TEC: variants seen among roughly 807,000 people sequenced by gnomAD.
TEC encodes tec protein tyrosine kinase.
In TEC, 72 loss-of-function variants were observed where a neutral mutation model predicts 93.0. The observed-to-expected ratio is 0.77, with a 90% CI of 0.64 to 0.94. The LOEUF is 0.94. TEC is among the 40% of genes least tolerant of loss of function. TEC has a pLI of 0.00. For synonymous variants in TEC, 249 were observed against 247.7 expected, an observed-to-expected ratio of 1.01 and a Z score of -0.05; for missense variants, 630 against 757.9, an observed-to-expected ratio of 0.83 and a Z score of 1.98.
intron 2 of TEC, among the ~76,000 whole-genome samples, chr4:48,196,237 C>A (rs946231901): frequency 6.6e-6 from 1 of 152,156 alleles, no homozygotes; most frequent in Non-Finnish European, 1.5e-5. Context: ...CTGGTTTACA[C>A]GTCTTAGATC....
chr4:48,179,355 TA>T (rs1560393084), intron 2 of TEC, among the ~76,000 whole-genome samples: 16 of 34,136 alleles, frequency 4.7e-4, no homozygotes, highest in African/African-American at 6.5e-4. Context: ...TATATATATA[TA>T]TATATATATA....
chr4:48,142,050 T>A (rs1449056267), intron 14 of TEC, among the ~76,000 whole-genome samples: 1 of 152,266 alleles, frequency 6.6e-6, no homozygotes, highest in African/African-American at 2.4e-5. Context: ...TTACTGACAA[T>A]GAGAACATCT....
At chr4:48,262,260 G>A (rs557886013) in intron 1 of TEC, among the ~76,000 whole-genome samples, 8 of 138,184 alleles carry the variant, frequency 5.8e-5, no homozygotes, top group Admixed American at 1.7e-4. Context: ...GCAGTGGTGC[G>A]ATCTCAGCTA....
At chr4:48,253,570 T>C (rs1398481440) in intron 1 of TEC, among the ~76,000 whole-genome samples, 1 of 105,428 alleles carries the variant, frequency 9.5e-6, no homozygotes, top group Non-Finnish European at 2.0e-5. Flanking sequence ...TCATGTCCAA[T>C]TCTTTTTTTT....
At chr4:48,246,580 A>G (rs1348970574) in intron 1 of TEC, among the ~76,000 whole-genome samples, 1 of 152,248 alleles carries the variant, frequency 6.6e-6, no homozygotes, top group Non-Finnish European at 1.5e-5. Flanking sequence ...ATATAGATCA[A>G]CAATACAGAA....
At chr4:48,245,567 G>GT (rs1225559829) in intron 1 of TEC, among the ~76,000 whole-genome samples, 1 of 152,110 alleles carries the variant, frequency 6.6e-6, no homozygotes, top group Non-Finnish European at 1.5e-5. Flanking sequence ...CTTGCTATCA[G>GT]TATTACTGTT....
chr4:48,146,294 T>C (rs773297315), intron 12 of TEC, 31 bp downstream of exon 12: 2 of 1,602,028 alleles, frequency 1.2e-6, no homozygotes, highest in Admixed American at 3.4e-5. Flanking sequence ...TCAAGGAAAA[T>C]TAGCTCATGC....
chr4:48,187,594 A>C (rs1389870126), intron 2 of TEC, among the ~76,000 whole-genome samples: 1 of 152,190 alleles, frequency 6.6e-6, no homozygotes, highest in African/African-American at 2.4e-5. Context: ...AAGTGATCTT[A>C]TGACCACTTA....
chr4:48,242,950 G>A (rs930285123), intron 1 of TEC, among the ~76,000 whole-genome samples: 5 of 152,150 alleles, frequency 3.3e-5, no homozygotes, highest in African/African-American at 7.2e-5. Context: ...ATGGGGCTGA[G>A]GCTGATGAGC....
At chr4:48,182,085 C>G (rs1560395183) in intron 2 of TEC, among the ~76,000 whole-genome samples, 1 of 151,988 alleles carries the variant, frequency 6.6e-6, no homozygotes, top group East Asian at 1.9e-4. Flanking sequence ...AAGTTTGAGA[C>G]CAGCCTGCCC....
chr4:48,262,201 C>CTTTTTTTTTTTTTTTTTTT (rs10659576), intron 1 of TEC, among the ~76,000 whole-genome samples: 812 of 80,200 alleles, frequency 0.01, 175 homozygotes, highest in South Asian at 0.033. Flanking sequence ...CCAAATGTCT[C>CTTTTTTTTTTTTTTTTTTT]TTTTTTTTTT....
intron 6 of TEC, 123 bp from the exon 7 acceptor site, chr4:48,168,076 A>T: frequency 1.2e-6 from 1 of 807,606 alleles, no homozygotes; most frequent in South Asian, 1.8e-5. Flanking sequence ...TACTTACTAT[A>T]ATCCAACAAA....
intron 2 of TEC, among the ~76,000 whole-genome samples, chr4:48,181,387 T>C (rs956058193): frequency 6.6e-6 from 1 of 151,904 alleles, no homozygotes; most frequent in Non-Finnish European, 1.5e-5. Context: ...AAAAAAGGAT[T>C]GGAAGGGCTG....
At chr4:48,187,485 C>T (rs1721930426) in intron 2 of TEC, among the ~76,000 whole-genome samples, 1 of 148,198 alleles carries the variant, frequency 6.7e-6, no homozygotes, top group African/African-American at 2.5e-5. Context: ...TTTCCAAAAT[C>T]ACAGAATCTT....
At chr4:48,204,540 T>C (rs1269116405) in intron 2 of TEC, among the ~76,000 whole-genome samples, 1 of 152,196 alleles carries the variant, frequency 6.6e-6, no homozygotes, top group Non-Finnish European at 1.5e-5. Flanking sequence ...CAGTCATGAG[T>C]ACAGCTATTA....
intron 17 of TEC, 64 bp downstream of exon 17, chr4:48,138,601 G>A (rs768368118): frequency 7.4e-5 from 113 of 1,524,206 alleles, no homozygotes; most frequent in Non-Finnish European, 9.6e-5. Flanking sequence ...AAGACTGCAT[G>A]TTATCCATCT....
chr4:48,156,667 T>C lies in TEC; in HGVS notation c.792+13A>G. 1 of 1,607,912 alleles carries C rather than the reference T, an allele frequency of 6.2e-7. No individual in the cohort carries two copies. Among genetic ancestry groups the C allele is most frequent in the African/African-American group, 1.3e-5 (1 of 74,574 alleles). Reference sequence around the variant, plus strand: ...TTTGCCCTTAAGCCAAACCCACAAGTACAAACACTTACTTCACTGCGGAGG... The same window carrying C: ...TTTGCCCTTAAGCCAAACCCACAAGCACAAACACTTACTTCACTGCGGAGG... On this transcript the variant is annotated intron_variant, in intron 9 of 17. Coordinates refer to ENST00000381501, the MANE Select transcript of TEC (RefSeq NM_003215.3).
chr4:48,246,399 C>G (rs11945482), intron 1 of TEC, among the ~76,000 whole-genome samples: 18,720 of 151,722 alleles, frequency 0.12, 1,446 homozygotes, highest in East Asian at 0.24. Context: ...TCCCAACAAC[C>G]TTTTCTGCAG....
intron 2 of TEC, among the ~76,000 whole-genome samples, chr4:48,194,496 T>G (rs954083563): frequency 4.6e-5 from 7 of 152,172 alleles, no homozygotes; most frequent in African/African-American, 1.2e-4. Context: ...AATACTAAAC[T>G]GCATATAATG....
Sources: gnomAD v4.1 joint callset for allele counts (sites outside exome capture counted in the v4.1 genomes callset) on GRCh38, gnomAD v4.1.1 for gene constraint, MANE v1.5 for transcripts, NCBI Gene and HGNC (gene_info 2026-07-23, HGNC 2026-07-21) for gene names.